TMEM266: variants seen among roughly 807,000 people sequenced by gnomAD.
The protein encoded by TMEM266 is transmembrane protein 266.
Under a neutral mutation model 50.5 loss-of-function variants are expected in TMEM266, and 33 were observed. The ratio of observed to expected loss-of-function variants is 0.65; its 90% confidence interval spans 0.50 to 0.87. The LOEUF is 0.87. Ranked by LOEUF, TMEM266 falls within the 40% of genes least tolerant of loss-of-function variation. The pLI, the probability that TMEM266 is intolerant of heterozygous loss-of-function variation, is 0.00. For missense variants in TMEM266, 655 were observed against 695.1 expected, an observed-to-expected ratio of 0.94 and a Z score of 0.65; for synonymous variants, 310 against 292.3, an observed-to-expected ratio of 1.06 and a Z score of -0.62.
chr15:76,069,883 A>G (rs115279527), intron 1 of TMEM266, among the ~76,000 whole-genome samples: 2,443 of 152,242 alleles, frequency 0.016, 66 homozygotes, highest in African/African-American at 0.052. Flanking sequence ...TTTATAAACT[A>G]TAAGATATTG....
chr15:76,185,852 G>GGTACA (rs1253460203), intron 8 of TMEM266, among the ~76,000 whole-genome samples: 2 of 152,180 alleles, frequency 1.3e-5, no homozygotes, highest in African/African-American at 4.8e-5. Context: ...GTGGGGTCCT[G>GGTACA]GAGCTGGTAC....
rs1445937923 is a variant in TMEM266, at chr15:76,202,247, A to G, written c.1004A>G (p.Tyr335Cys). 1 of 1,613,782 alleles carries G rather than the reference A, an allele frequency of 6.2e-7. No homozygotes were observed. Among genetic ancestry groups the G allele is most frequent in the Admixed American group, 1.7e-5 (1 of 59,982 alleles). ...ATGAACAGCTACATCAGTCAGTATTACAATGGGCCCAGCAGTGGTAAGTCT... is the reference window on the plus strand; with the variant it reads ...ATGAACAGCTACATCAGTCAGTATTGCAATGGGCCCAGCAGTGGTAAGTCT... Residue 335 changes from tyrosine to cysteine, a missense_variant, in exon 10 of 11, where the codon TAC becomes TGC. Around this residue, in one of 3 missense-constraint regions of TMEM266, gnomAD observed 455 missense variants for 401.8 expected, o/e 1.13. Coordinates refer to ENST00000388942, the MANE Select transcript of TMEM266 (RefSeq NM_152335.3).
intron 1 of TMEM266, among the ~76,000 whole-genome samples, chr15:76,132,550 C>T (rs2037526130): frequency 6.6e-6 from 1 of 151,664 alleles, no homozygotes; most frequent in Admixed American, 6.6e-5. Flanking sequence ...AATCCCAGCA[C>T]TTTGGGAGGC....
intron 1 of TMEM266, among the ~76,000 whole-genome samples, chr15:76,102,235 G>A (rs1485935799): frequency 6.6e-6 from 1 of 152,132 alleles, no homozygotes. Context: ...GTGCTGCAAA[G>A]ACAGTTATCT....
At position 76,153,873 on chromosome 15, in the gene TMEM266, G is replaced by A. The variant is rs892610423; in HGVS notation, c.228-2731G>A. ...CGTTAATGGATGGAAGCGCTGTGCC[G>A]CTGGCACTGCTGCGGGCAGCAGCTT... On this transcript the variant is annotated intron_variant, in intron 3 of 10. Transcript: ENST00000388942. This position sits in a 1 kb window ranked among gnomAD's most constrained non-coding sequence, Gnocchi z 4.2. 5.3e-5 allele frequency among the ~76,000 whole-genome samples: 8 copies of A among 152,182 alleles called. No individual in the cohort carries two copies. Among genetic ancestry groups the A allele is most frequent in the Admixed American group, 2.0e-4 (3 of 15,284 alleles).
At chr15:76,175,803 C>T in intron 8 of TMEM266, 129 bp downstream of exon 8, 1 of 675,956 alleles carries the variant, frequency 1.5e-6, no homozygotes, top group Non-Finnish European at 2.5e-6. Context: ...TTGTTGGACT[C>T]ATGGGGAACC....
At chr15:76,137,627 C>G in intron 2 of TMEM266, 80 bp from the exon 3 acceptor site, 2 of 1,377,456 alleles carry the variant, frequency 1.5e-6, no homozygotes, top group South Asian at 2.4e-5. Flanking sequence ...GCAGCATTCT[C>G]CCTCCTTTCC....
At position 76,109,711 on chromosome 15, in the gene TMEM266, C is replaced by CTT. The variant is rs778661170; in HGVS notation, c.-96-24442_-96-24441dup. ...CAGGCTTTTCTTTTTTCTTTCTTTT[C>CTT]TTTTTTTTTTTTTTTTGAGACAGGA... On this transcript the variant is annotated intron_variant, in intron 1 of 10. Transcript: ENST00000388942. Among the ~76,000 whole-genome samples the CTT allele has an allele frequency of 3.8e-3, 527 of 138,212 alleles. 4 individuals are homozygous for CTT. Among genetic ancestry groups the CTT allele is most frequent in the African/African-American group, 0.013 (503 of 37,798 alleles). 90.7% of individuals were successfully genotyped at this position (138,212 alleles called of 152,430 possible). A position where few individuals can be genotyped will look rare whatever the true frequency, so the allele number is the denominator to read the frequency against.
At chr15:76,095,181 T>C (rs1020520955) in intron 1 of TMEM266, among the ~76,000 whole-genome samples, 1 of 152,084 alleles carries the variant, frequency 6.6e-6, no homozygotes, top group African/African-American at 2.4e-5. Context: ...AGGGCATCCT[T>C]GTCTTGTGCC....
intron 9 of TMEM266, among the ~76,000 whole-genome samples, chr15:76,198,634 TCTGTC>T (rs2038692285): frequency 6.6e-6 from 1 of 152,232 alleles, no homozygotes; most frequent in African/African-American, 2.4e-5. Context: ...ACCATAGTCT[TCTGTC>T]CAGTCCAGCC....
At chr15:76,095,325 G>C (rs1047566551) in intron 1 of TMEM266, among the ~76,000 whole-genome samples, 1 of 151,980 alleles carries the variant, frequency 6.6e-6, no homozygotes, top group Non-Finnish European at 1.5e-5. Flanking sequence ...TAGCATGAAG[G>C]GCTGTTGAAT....
At chr15:76,179,092 C>T (rs909757372) in intron 8 of TMEM266, among the ~76,000 whole-genome samples, 1 of 152,040 alleles carries the variant, frequency 6.6e-6, no homozygotes, top group Non-Finnish European at 1.5e-5. Flanking sequence ...TCAGAGATGG[C>T]TAGACCCTTG....
intron 3 of TMEM266, among the ~76,000 whole-genome samples, chr15:76,142,998 A>G (rs762850968): frequency 1.3e-5 from 2 of 152,112 alleles, no homozygotes; most frequent in African/African-American, 2.4e-5. Flanking sequence ...GTCTGCCTCA[A>G]GTCTCCTCTT....
At chr15:76,093,499 T>C (rs2036881798) in intron 1 of TMEM266, among the ~76,000 whole-genome samples, 1 of 152,050 alleles carries the variant, frequency 6.6e-6, no homozygotes, top group Non-Finnish European at 1.5e-5. Context: ...TAGTATTCCA[T>C]GGTGTATATG....
Position 76,171,016 on chromosome 15 carries a change from C to G in TMEM266, c.537C>G (p.Ile179Met). The change falls in exon 7 of 11, where the codon ATC (isoleucine) becomes ATG (methionine). Residue 179 changes from isoleucine (I) to methionine (M), a missense_variant. Physicochemically the swap from Ile to Met is conservative, Grantham distance 10 (BLOSUM62 1). Around this residue, in one of 3 missense-constraint regions of TMEM266, gnomAD observed 101 missense variants for 182.6 expected, o/e 0.55. Coordinates refer to ENST00000388942, the MANE Select transcript of TMEM266 (RefSeq NM_152335.3). ...AGGTGTTTGACGGGGCTGTGATCAT[C>G]CTATCTTTGGCTCCGATGGTGGCAT... is the stretch of plus-strand genomic sequence containing the variant. The G allele has an allele frequency of 1.2e-6, 2 of 1,613,006 alleles. No individual in the cohort carries two copies. Among genetic ancestry groups the G allele is most frequent in the South Asian group, 1.1e-5 (1 of 90,716 alleles).
intron 8 of TMEM266, among the ~76,000 whole-genome samples, chr15:76,180,546 C>T (rs1479294662): frequency 2.1e-5 from 3 of 142,248 alleles, no homozygotes; most frequent in Non-Finnish European, 4.6e-5. Context: ...GATCACCCGG[C>T]TGGGGCAGCG....
At chr15:76,103,171 A>C (rs1332503195) in intron 1 of TMEM266, among the ~76,000 whole-genome samples, 2 of 151,982 alleles carry the variant, frequency 1.3e-5, no homozygotes. Context: ...ATGAAGGTAA[A>C]ACTGACATAC....
intron 8 of TMEM266, among the ~76,000 whole-genome samples, chr15:76,189,333 G>A (rs2038533661): frequency 6.9e-6 from 1 of 143,936 alleles, no homozygotes; most frequent in African/African-American, 2.8e-5. Flanking sequence ...AAAGAAAGAG[G>A]GAGCAGAGAA....
Position 76,092,579 on chromosome 15 carries a change from A to G in TMEM266, c.-97+32563A>G, listed in dbSNP as rs1468171994. On this transcript the variant is annotated intron_variant, in intron 1 of 10. Coordinates refer to ENST00000388942, the MANE Select transcript of TMEM266 (RefSeq NM_152335.3). Reference sequence around the variant, plus strand: ...GTGGTAGGTGCCTGTAATCCCAGCTACTCTGGAGGCTGAGGCAGGAGAATT... The same window carrying G: ...GTGGTAGGTGCCTGTAATCCCAGCTGCTCTGGAGGCTGAGGCAGGAGAATT... Among the ~76,000 whole-genome samples, 2 of 151,670 alleles carry G rather than the reference A, an allele frequency of 1.3e-5. 1 individual carries two copies. Among genetic ancestry groups the G allele is most frequent in the South Asian group, 4.2e-4 (2 of 4,796 alleles).
Sources: allele counts gnomAD v4.1 joint callset (sites outside exome capture counted in the v4.1 genomes callset), GRCh38; gene constraint gnomAD v4.1.1; regional missense constraint gnomAD v4.1.1; non-coding constraint Gnocchi (gnomAD v3.1); transcripts MANE v1.5; gene names NCBI Gene and HGNC (gene_info 2026-07-23, HGNC 2026-07-21).